Variants in CCND3 observed in about 807,000 individuals in gnomAD.
CCND3 encodes G1/S-specific cyclin-D3.
Under a neutral mutation model 28.7 loss-of-function variants are expected in CCND3, and 9 were observed. That is an observed-to-expected ratio of 0.31 (90% CI 0.19 to 0.55). The LOEUF is 0.55. Among genes scored for constraint, CCND3 ranks in the 20% least tolerant of loss-of-function variants. CCND3 has a pLI of 0.93. For missense variants in CCND3, 315 were observed against 385.8 expected (o/e 0.82, Z 1.54); for synonymous variants, 164 against 163.9 (o/e 1.00, Z 0.00).
At chr6:41,937,547 G>A (rs945630210) in intron 2 of CCND3, among the ~76,000 whole-genome samples, 153 bp from the exon 3 acceptor site, 4 of 152,216 alleles carry the variant, frequency 2.6e-5, no homozygotes, top group African/African-American at 9.6e-5. Context: ...GGGCACCATG[G>A]AGTTCAAGGC....
At chr6:42,008,350 C>A (rs1355850682) in intron 1 of CCND3, among the ~76,000 whole-genome samples, 2 of 151,954 alleles carry the variant, frequency 1.3e-5, no homozygotes, top group Non-Finnish European at 2.9e-5. Context: ...TGCATTCCAG[C>A]CTGGGCAACA....
At chr6:41,985,224 C>A (rs917612850) in intron 1 of CCND3, among the ~76,000 whole-genome samples, 1 of 149,896 alleles carries the variant, frequency 6.7e-6, no homozygotes, top group African/African-American at 2.4e-5. Flanking sequence ...CCAAAAAAAT[C>A]TTTGCCCAGG....
At chr6:42,020,280 T>C (rs1763665794) in intron 1 of CCND3, among the ~76,000 whole-genome samples, 1 of 151,646 alleles carries the variant, frequency 6.6e-6, no homozygotes, top group Non-Finnish European at 1.5e-5. Flanking sequence ...AGACTCTGTC[T>C]CAAAAAAAAA....
chr6:42,036,999 C>T (rs749457029), intron 1 of CCND3, among the ~76,000 whole-genome samples: 2 of 152,108 alleles, frequency 1.3e-5, no homozygotes, highest in African/African-American at 4.8e-5. Context: ...AATGCAGTGG[C>T]GTGATCTCAG....
intron 1 of CCND3, among the ~76,000 whole-genome samples, chr6:42,020,586 A>G (rs1234396159): frequency 6.6e-6 from 1 of 152,070 alleles, no homozygotes; most frequent in African/African-American, 2.4e-5. Context: ...CTTGCATCCC[A>G]GCCCTCCAAA....
intron 1 of CCND3, among the ~76,000 whole-genome samples, chr6:41,962,774 G>A (rs1179512072): frequency 1.3e-5 from 2 of 151,652 alleles, no homozygotes; most frequent in African/African-American, 2.4e-5. Flanking sequence ...TTTTTGAGAC[G>A]GAGTCTTACT....
At chr6:41,951,959 AC>A (rs1228048572) in intron 1 of CCND3, among the ~76,000 whole-genome samples, 1 of 151,834 alleles carries the variant, frequency 6.6e-6, no homozygotes, top group Non-Finnish European at 1.5e-5. Flanking sequence ...ACGCGGTTTC[AC>A]CATGTTGGCC....
chr6:41,980,973 C>A (rs1582129122), intron 1 of CCND3, among the ~76,000 whole-genome samples: 1 of 152,018 alleles, frequency 6.6e-6, no homozygotes, highest in African/African-American at 2.4e-5. Flanking sequence ...CAGGAACAAG[C>A]GAAGGAGGTT....
chr6:41,964,465 TGTGTGTGTGA>T (rs1761816201), intron 1 of CCND3, among the ~76,000 whole-genome samples: 1 of 35,170 alleles, frequency 2.8e-5, no homozygotes, highest in African/African-American at 6.6e-5. Context: ...TGTGTGTGAG[TGTGTGTGTGA>T]GTGTGTGTGA....
chr6:41,992,208 G>T (rs1400324369), intron 1 of CCND3, among the ~76,000 whole-genome samples: 1 of 152,120 alleles, frequency 6.6e-6, no homozygotes, highest in Non-Finnish European at 1.5e-5. Flanking sequence ...TGTCGCCCAG[G>T]CTGGAGTGCA....
chr6:41,939,035 C>T lies in CCND3; in HGVS notation c.414+1335G>A, dbSNP rs1775902546. On this transcript the variant is annotated intron_variant, in intron 2 of 4. Transcript: ENST00000372991. The surrounding 1 kb of genome is among the most constrained non-coding windows in gnomAD (Gnocchi z 4.2). ...TTTTCACAAAAAGGAAGTTCCCCTT[C>T]TACCTTCCAGCCCCAACCCCTCCAA... Among the ~76,000 whole-genome samples the T allele has an allele frequency of 6.6e-6, 1 of 152,204 alleles. No homozygotes were observed. The highest frequency in any genetic ancestry group is 1.5e-5 in the Non-Finnish European group (1 of 68,030).
chr6:42,010,301 C>T (rs1228511983), intron 1 of CCND3, among the ~76,000 whole-genome samples: 1 of 152,112 alleles, frequency 6.6e-6, no homozygotes, highest in Non-Finnish European at 1.5e-5. Context: ...CTGCTTTCCA[C>T]TTTCCCTTAA....
chr6:42,039,224 C>T (rs927840203), intron 1 of CCND3, among the ~76,000 whole-genome samples: 1 of 152,186 alleles, frequency 6.6e-6, no homozygotes, highest in African/African-American at 2.4e-5. Flanking sequence ...AAAATAGAGA[C>T]TTTAATAGTA....
chr6:42,043,925 T>C (rs1478149378), intron 1 of CCND3, among the ~76,000 whole-genome samples: 1 of 151,980 alleles, frequency 6.6e-6, no homozygotes, highest in African/African-American at 2.4e-5. Flanking sequence ...GGCCACTGAG[T>C]GCAAATAGTT....
chr6:42,048,096 AC>A lies in CCND3; in HGVS notation c.-46+404del, dbSNP rs1276483876. On this transcript the variant is annotated intron_variant, in intron 1 of 4. Transcript: ENST00000372988. This position sits in a 1 kb window ranked among gnomAD's most constrained non-coding sequence, Gnocchi z 4.7. ...ATCATCATCTATGTATCAATCAGAC[AC>A]CACTGAGGGGTCCCTCCCTCCAGTT... 6.1e-6 allele frequency: 1 copy of A among 162,774 alleles called. No homozygotes were observed. Among genetic ancestry groups the A allele is most frequent in the East Asian group, 1.9e-4 (1 of 5,240 alleles). 10.1% of individuals were successfully genotyped at this position (162,774 alleles called of 1,614,324 possible). A position where few individuals can be genotyped will look rare whatever the true frequency, so the allele number is the denominator to read the frequency against.
intron 1 of CCND3, among the ~76,000 whole-genome samples, chr6:42,047,658 C>A (rs1407330566): frequency 2.0e-5 from 3 of 152,192 alleles, no homozygotes; most frequent in Non-Finnish European, 4.4e-5. Context: ...TCATCCTGTT[C>A]ATTCCCTTGA....
chr6:41,946,114 G>A (rs1028819455), upstream of CCND3, among the ~76,000 whole-genome samples: 3 of 152,092 alleles, frequency 2.0e-5, no homozygotes, highest in Non-Finnish European at 4.4e-5. Flanking sequence ...CCCTCACTGT[G>A]TGAATTTGGC....
chr6:42,007,994 T>G (rs9462763), intron 1 of CCND3, among the ~76,000 whole-genome samples: 1 of 151,840 alleles, frequency 6.6e-6, no homozygotes. Context: ...GCGGGGGAGC[T>G]GGGGGCTGGG....
chr6:42,031,469 T>G (rs1764040705), intron 1 of CCND3: 1 of 152,080 alleles, frequency 6.6e-6, no homozygotes, highest in Non-Finnish European at 1.5e-5. Flanking sequence ...CACACTGTAC[T>G]CCTTCCTGCC....
Sources: allele counts gnomAD v4.1 joint callset (sites outside exome capture counted in the v4.1 genomes callset), GRCh38; gene constraint gnomAD v4.1.1; non-coding constraint Gnocchi (gnomAD v3.1); transcripts MANE v1.5; gene names NCBI Gene and HGNC (gene_info 2026-07-23, HGNC 2026-07-21).